KCNH7: variants seen among roughly 807,000 people sequenced by gnomAD.
The protein encoded by KCNH7 is potassium voltage-gated channel subfamily H member 7.
KCNH7 carries 49 observed loss-of-function variants against 120.8 expected under a neutral mutation model. That is an observed-to-expected ratio of 0.41 (90% CI 0.32 to 0.51). The LOEUF is 0.51. KCNH7 is among the 20% of genes least tolerant of loss of function. The pLI is 0.38. For synonymous variants in KCNH7, 547 were observed against 516.1 expected (o/e 1.06, Z -0.81); for missense variants, 1,097 against 1,446.6 (o/e 0.76, Z 3.92).
chr2:162,507,768 T>A (rs1690934243), intron 5 of KCNH7, among the ~76,000 whole-genome samples: 1 of 151,624 alleles, frequency 6.6e-6, no homozygotes, highest in Non-Finnish European at 1.5e-5. Flanking sequence ...CTCTTCAGTT[T>A]ATATTGGTAT....
intron 2 of KCNH7, among the ~76,000 whole-genome samples, chr2:162,740,537 C>T (rs754664467): frequency 2.6e-5 from 4 of 152,124 alleles, no homozygotes; most frequent in Non-Finnish European, 5.9e-5. Context: ...AGGAGTACAT[C>T]GAATTAAAGA....
At chr2:162,771,382 C>G (rs1162506128) in intron 2 of KCNH7, among the ~76,000 whole-genome samples, 1 of 151,946 alleles carries the variant, frequency 6.6e-6, no homozygotes, top group African/African-American at 2.4e-5. Context: ...CTCTGTTTCC[C>G]TCCTTTGTGT....
rs567287070 is a variant in KCNH7, at chr2:162,624,804, G to GCCTAAA, written c.308-87725_308-87724insTTTAGG. Among the ~76,000 whole-genome samples, 689 of 151,366 alleles carry GCCTAAA rather than the reference G, an allele frequency of 4.6e-3. 7 individuals carry two copies. The highest frequency in any genetic ancestry group is 0.016 in the African/African-American group (658 of 41,164). ...CTAACCTCTAACCTCTAATTCCATT[G>GCCTAAA]GCAGCTGAGCAATGATTCATATTAC... is the stretch of plus-strand genomic sequence containing the variant. On this transcript the variant is annotated intron_variant, in intron 2 of 15. Coordinates refer to ENST00000332142, the MANE Select transcript of KCNH7 (RefSeq NM_033272.4).
intron 6 of KCNH7, among the ~76,000 whole-genome samples, chr2:162,471,848 C>CTT (rs1328817590): frequency 6.6e-6 from 1 of 152,162 alleles, no homozygotes; most frequent in Non-Finnish European, 1.5e-5. Flanking sequence ...AACTACAAGG[C>CTT]TACAGTAACC....
intron 2 of KCNH7, among the ~76,000 whole-genome samples, chr2:162,738,858 C>T (rs1688014291): frequency 6.6e-6 from 1 of 152,178 alleles, no homozygotes; most frequent in Non-Finnish European, 1.5e-5. Context: ...TATGCCTCCA[C>T]CCATATCCAT....
At chr2:162,503,139 G>A (rs999495402) in intron 6 of KCNH7, among the ~76,000 whole-genome samples, 1 of 152,020 alleles carries the variant, frequency 6.6e-6, no homozygotes, top group Non-Finnish European at 1.5e-5. Context: ...TTGCCATGCT[G>A]TGCTTCTCTT....
chr2:162,513,394 C>T (rs559295920), intron 4 of KCNH7, among the ~76,000 whole-genome samples: 90 of 134,954 alleles, frequency 6.7e-4, no homozygotes, highest in East Asian at 2.0e-3. Flanking sequence ...TCTCTCCTTC[C>T]CTCCTTCCTT....
chr2:162,384,636 A>G (rs1034950052), intron 13 of KCNH7, 52 bp downstream of exon 13: 15 of 1,559,610 alleles, frequency 9.6e-6, no homozygotes, highest in Non-Finnish European at 1.3e-5. Flanking sequence ...AAAAGTCACC[A>G]TTTTGTGATT....
intron 2 of KCNH7, among the ~76,000 whole-genome samples, chr2:162,657,142 C>A (rs1306243201): frequency 6.6e-6 from 1 of 152,164 alleles, no homozygotes; most frequent in Non-Finnish European, 1.5e-5. Context: ...ATGGATGAAC[C>A]TACATTGATG....
intron 2 of KCNH7, among the ~76,000 whole-genome samples, chr2:162,814,693 A>G (rs542240470): frequency 6.6e-6 from 1 of 152,286 alleles, no homozygotes; most frequent in African/African-American, 2.4e-5. Context: ...CAAGGAATAA[A>G]TATTCTTCAC....
At chr2:162,372,747 G>T (rs1233512317) in intron 15 of KCNH7, among the ~76,000 whole-genome samples, 2 of 151,986 alleles carry the variant, frequency 1.3e-5, no homozygotes, top group African/African-American at 4.8e-5. Flanking sequence ...TTAAATCATT[G>T]TTCTTAGGTC....
At chr2:162,631,110 G>A (rs933811230) in intron 2 of KCNH7, among the ~76,000 whole-genome samples, 1 of 152,122 alleles carries the variant, frequency 6.6e-6, no homozygotes, top group Non-Finnish European at 1.5e-5. Flanking sequence ...AGGCTTGCAA[G>A]CTGAGCAGGT....
chr2:162,488,115 C>T (rs1010598734), intron 6 of KCNH7, among the ~76,000 whole-genome samples: 1 of 152,176 alleles, frequency 6.6e-6, no homozygotes, highest in South Asian at 2.1e-4. Flanking sequence ...TCAAGATTGA[C>T]AACAACTGGT....
At chr2:162,538,558 T>C (rs1692192519) in intron 2 of KCNH7, among the ~76,000 whole-genome samples, 1 of 152,048 alleles carries the variant, frequency 6.6e-6, no homozygotes, top group Admixed American at 6.6e-5. Context: ...TTGGGAGCCC[T>C]AACATCTGCA....
At chr2:162,778,722 A>C (rs945584051) in intron 2 of KCNH7, among the ~76,000 whole-genome samples, 6 of 152,204 alleles carry the variant, frequency 3.9e-5, no homozygotes, top group Non-Finnish European at 7.4e-5. Context: ...ATAGAGAATA[A>C]ATGGGTGTGA....
At chr2:162,814,707 G>A (rs1212283410) in intron 2 of KCNH7, among the ~76,000 whole-genome samples, 2 of 152,104 alleles carry the variant, frequency 1.3e-5, no homozygotes, top group African/African-American at 2.4e-5. Context: ...TCTTCACACC[G>A]AAGAACTCAT....
At chr2:162,678,065 T>C (rs574055007) in intron 2 of KCNH7, among the ~76,000 whole-genome samples, 1 of 151,388 alleles carries the variant, frequency 6.6e-6, no homozygotes, top group Non-Finnish European at 1.5e-5. Flanking sequence ...TATAAAGCAC[T>C]GTAATCATTT....
chr2:162,639,012 GC>G (rs750785498), intron 2 of KCNH7, among the ~76,000 whole-genome samples: 2 of 152,208 alleles, frequency 1.3e-5, no homozygotes, highest in Non-Finnish European at 2.9e-5. Context: ...ATTGTAGGAT[GC>G]CTAGCACAAT....
intron 7 of KCNH7, among the ~76,000 whole-genome samples, chr2:162,438,448 G>T (rs1317887329): frequency 6.6e-6 from 1 of 152,072 alleles, no homozygotes; most frequent in African/African-American, 2.4e-5. Flanking sequence ...TCTGGAAAAA[G>T]AAAGTTTAAG....
Sources: gnomAD v4.1 joint callset for allele counts (sites outside exome capture counted in the v4.1 genomes callset) on GRCh38, gnomAD v4.1.1 for gene constraint, MANE v1.5 for transcripts, NCBI Gene and HGNC (gene_info 2026-07-23, HGNC 2026-07-21) for gene names.